DYNC1H1: variants seen among roughly 807,000 people sequenced by gnomAD.
DYNC1H1 encodes cytoplasmic dynein 1 heavy chain 1.
Under a neutral mutation model 527.1 loss-of-function variants are expected in DYNC1H1, and 51 were observed. The ratio of observed to expected loss-of-function variants is 0.10; its 90% CI spans 0.08 to 0.12. The LOEUF (loss-of-function observed/expected upper bound fraction) is 0.12. DYNC1H1 is among the 10% of genes least tolerant of loss of function. The probability of loss-of-function intolerance (pLI) is 1.00; values close to 1 mark genes in which losing one functional copy is unlikely to be tolerated. For missense variants in DYNC1H1, 2,771 were observed against 5,971.8 expected, an observed-to-expected ratio of 0.46 and a Z score of 17.66; for synonymous variants, 2,189 against 2,278.8, an observed-to-expected ratio of 0.96 and a Z score of 1.12.
chr14:102,050,652 AAAAG>A lies in DYNC1H1; in HGVS notation c.*94_*97del. ...AATATTTGGAAGGTCTGAGCTTGTGAAAAGAAAGTGGTTGGTCTGAGGTTGGAGG... is the reference window on the plus strand; with the variant it reads ...AATATTTGGAAGGTCTGAGCTTGTGAAAAGTGGTTGGTCTGAGGTTGGAGG... On this transcript the variant is annotated 3_prime_UTR_variant, in exon 78 of 78. Transcript: ENST00000360184. 6.2e-7 allele frequency: 1 copy of A among 1,604,202 alleles called. No individual in the cohort carries two copies. The highest frequency in any genetic ancestry group is 1.1e-5 in the South Asian group (1 of 90,316).
At chr14:101,993,432 G>A (rs948481237) in intron 11 of DYNC1H1, among the ~76,000 whole-genome samples, 1 of 152,130 alleles carries the variant, frequency 6.6e-6, no homozygotes, top group African/African-American at 2.4e-5. Context: ...CATCATGAAA[G>A]TCAAAGCCCC....
At chr14:102,045,456 C>G (rs2048705438) in intron 72 of DYNC1H1, among the ~76,000 whole-genome samples, 1 of 135,628 alleles carries the variant, frequency 7.4e-6, no homozygotes, top group South Asian at 2.2e-4. Flanking sequence ...ACAAAAAATA[C>G]AAAAACTAGC....
In DYNC1H1 at chr14:101,964,595, G is replaced by C. The variant is rs1033704180; in HGVS notation, c.-97G>C. On this transcript the variant is annotated 5_prime_UTR_variant, in exon 1 of 78. Coordinates refer to ENST00000360184, the MANE Select transcript of DYNC1H1 (RefSeq NM_001376.5). This position sits in a 1 kb window ranked among gnomAD's most constrained non-coding sequence, Gnocchi z 5.5. ...CTCAGTCTGCGGTGGGCTAGCGGAC[G>C]GTCCGGCTTCCGGCGGCCGTTTCTG... The C allele has an allele frequency of 6.6e-7, 1 of 1,526,224 alleles. No homozygotes were observed. Among genetic ancestry groups the C allele is most frequent in the East Asian group, 2.5e-5 (1 of 40,578 alleles). The allele number at this position is 1,526,224 out of a possible 1,614,324, so 94.5% of individuals were successfully genotyped here. A position where few individuals can be genotyped will look rare whatever the true frequency, so the allele number is the denominator to read the frequency against.
At position 102,027,619 on chromosome 14, in the gene DYNC1H1, G is replaced by A. The variant is rs879254170; in HGVS notation, c.9049G>A (p.Val3017Met). 6.2e-7 allele frequency: 1 copy of A among 1,614,038 alleles called. No homozygotes were observed. The highest frequency in any genetic ancestry group is 8.5e-7 in the Non-Finnish European group (1 of 1,180,034). ...AAGTCAGCACTGTGCTGTTTCCCAGGTGCCTGGTCTCTTTGAAGGAGACGA... is the reference window on the plus strand; with the variant it reads ...AAGTCAGCACTGTGCTGTTTCCCAGATGCCTGGTCTCTTTGAAGGAGACGA... ...RMNTLLANGE[V>M]PGLFEGDEYA... The change falls in exon 47 of 78, where the codon GTG becomes ATG. Residue 3017 changes from valine (V) to methionine (M), a missense_variant and splice_region_variant. By Grantham distance (21) the Val-to-Met change is conservative (BLOSUM62 1). Transcript: ENST00000360184. This position sits in a 1 kb window ranked among gnomAD's most constrained non-coding sequence, Gnocchi z 7.7.
Position 101,964,711 on chromosome 14 carries a change from G to A in DYNC1H1, c.20G>A (p.Gly7Asp). Residue 7 changes from glycine (G) to aspartate (D), a missense_variant, in exon 1 of 78, where the codon GGC (glycine) becomes GAC (aspartate). Transcript: ENST00000360184. The surrounding 1 kb of genome is among the most constrained non-coding windows in gnomAD (Gnocchi z 5.5). MSEPGG[G>D]GGEDGSAGLE... ...GACACCATGTCGGAGCCCGGGGGCG[G>A]CGGCGGCGAGGACGGCTCGGCCGGA... 1 of 1,596,668 alleles carries A rather than the reference G, an allele frequency of 6.3e-7. No individual in the cohort carries two copies. The highest frequency in any genetic ancestry group is 8.5e-7 in the Non-Finnish European group (1 of 1,176,212).
rs528214050 is a variant in DYNC1H1, at chr14:102,031,783, C to T, written c.9884-489C>T. Among the ~76,000 whole-genome samples, 248 of 152,164 alleles carry T rather than the reference C, an allele frequency of 1.6e-3. 1 individual carries two copies. The highest frequency in any genetic ancestry group is 5.6e-3 in the African/African-American group (234 of 41,508). ...CAGCCTGACCAACATGGAGAAACCC[C>T]GTCTCTACTAAAAATAGGAAATTAG... On this transcript the variant is annotated intron_variant, in intron 51 of 77. Coordinates refer to ENST00000360184, the MANE Select transcript of DYNC1H1 (RefSeq NM_001376.5).
rs201172648 is a variant in DYNC1H1, at chr14:102,050,569, T to G, written c.*6T>G. 1.2e-6 allele frequency: 2 copies of G among 1,614,248 alleles called. No homozygotes were observed. Among genetic ancestry groups the G allele is most frequent in the South Asian group, 2.2e-5 (2 of 91,088 alleles). Reference sequence around the variant, plus strand: ...CAGTCTTGTGCACAGAGTAAACTTTTCTAGCTGCCCCTTTCTGTAATAGTG... The same window carrying G: ...CAGTCTTGTGCACAGAGTAAACTTTGCTAGCTGCCCCTTTCTGTAATAGTG... On this transcript the variant is annotated 3_prime_UTR_variant, in exon 78 of 78. Coordinates refer to ENST00000360184, the MANE Select transcript of DYNC1H1 (RefSeq NM_001376.5).
chr14:101,970,754 ACTG>A (rs1236748745), intron 1 of DYNC1H1, among the ~76,000 whole-genome samples: 59 of 152,140 alleles, frequency 3.9e-4, no homozygotes, highest in African/African-American at 1.4e-3. Context: ...AAGTGCTGGG[ACTG>A]CAGGCGTGAG....
chr14:102,030,406 T>C (rs764013699), intron 51 of DYNC1H1, 124 bp downstream of exon 51: 78 of 1,449,368 alleles, frequency 5.4e-5, no homozygotes, highest in Non-Finnish European at 7.3e-5. Context: ...TCCAAAAATA[T>C]CATTAGTAAC....
chr14:102,034,441 A>C lies in DYNC1H1; in HGVS notation c.10743A>C (p.Lys3581Asn), dbSNP rs768668529. Residue 3581 changes from lysine to asparagine, a missense_variant, in exon 56 of 78, where the codon AAA (lysine) becomes AAC (asparagine). By Grantham distance (94) the Lys-to-Asn change is moderately conservative (BLOSUM62 0). Transcript: ENST00000360184. ...GCACAGAAAATGCCATCATGCTGAA[A>C]CGATTCAATAGGTATGAGCTCGGGT... ...DLCTENAIMLKRFNRYPLIID... is the reference protein window; with the variant it reads ...DLCTENAIMLNRFNRYPLIID... 23 of 1,612,744 alleles carry C rather than the reference A, an allele frequency of 1.4e-5. No individual in the cohort carries two copies. Among genetic ancestry groups the C allele is most frequent in the Non-Finnish European group, 1.9e-5 (23 of 1,180,030 alleles).
chr14:101,984,881 C>G (rs140107327), intron 7 of DYNC1H1, among the ~76,000 whole-genome samples: 17 of 140,984 alleles, frequency 1.2e-4, no homozygotes, highest in Non-Finnish European at 2.4e-4. Context: ...TGCAGTGAGC[C>G]GAGATCGCGC....
At chr14:102,043,764 C>G in intron 69 of DYNC1H1, 111 bp from the exon 70 acceptor site, 1 of 1,476,736 alleles carries the variant, frequency 6.8e-7, no homozygotes, top group Non-Finnish European at 9.4e-7. Context: ...CTGCTGCCAT[C>G]GTCAGGATGT....
At position 102,038,594 on chromosome 14, in the gene DYNC1H1, C is replaced by T. The variant is rs746227507; in HGVS notation, c.11043C>T (p.Thr3681=). The T allele has an allele frequency of 1.9e-6, 3 of 1,614,174 alleles. No homozygotes were observed. The highest frequency in any genetic ancestry group is 2.2e-5 in the South Asian group (2 of 91,080). The part of the protein sequence containing the change: ...LSPSFVIFLS[T]RDPTVEFPPD... ...CATCGTTTGTCATCTTCCTGTCCAC[C>T]CGGGATCCAACTGTAAGGAATGGGA... The change falls in exon 58 of 78, where the codon ACC becomes ACT. Residue 3681 remains threonine, a synonymous_variant. Coordinates refer to ENST00000360184, the MANE Select transcript of DYNC1H1 (RefSeq NM_001376.5). The surrounding 1 kb of genome is among the most constrained non-coding windows in gnomAD (Gnocchi z 7.2).
At chr14:101,972,145 A>C (rs2047746221) in intron 1 of DYNC1H1, among the ~76,000 whole-genome samples, 1 of 152,204 alleles carries the variant, frequency 6.6e-6, no homozygotes, top group Non-Finnish European at 1.5e-5. Flanking sequence ...TTATAAATAT[A>C]ACAGGGCTAA....
In DYNC1H1 at chr14:102,000,042, G is replaced by T; in HGVS notation, c.3858G>T (p.Lys1286Asn). ...AGGCTCTCACCATATATGAGGGGAA[G>T]TTTGGTAGGCTGAAGGACGACAGAG... ...ALQALTIYEG[K>N]FGRLKDDREK... is the part of the protein sequence containing the mutation. Residue 1286 changes from lysine to asparagine, a missense_variant, in exon 17 of 78, where the codon AAG becomes AAT. Physicochemically the swap from Lys to Asn is moderately conservative, Grantham distance 94. Transcript: ENST00000360184. 1 of 1,614,242 alleles carries T rather than the reference G, an allele frequency of 6.2e-7. No homozygotes were observed.
At chr14:101,966,775 A>C (rs1230270511) in intron 1 of DYNC1H1, among the ~76,000 whole-genome samples, 2 of 152,180 alleles carry the variant, frequency 1.3e-5, no homozygotes, top group Non-Finnish European at 2.9e-5. Context: ...AGTGATCACC[A>C]GTAATTCGCT....
Position 102,000,011 on chromosome 14 carries a change from C to T in DYNC1H1, c.3827C>T (p.Ala1276Val). The T allele has an allele frequency of 6.2e-7, 1 of 1,614,210 alleles. No individual in the cohort carries two copies. The highest frequency in any genetic ancestry group is 8.5e-7 in the Non-Finnish European group (1 of 1,180,040). ...PVTGNLRPEE[A>V]LQALTIYEGK... Reference sequence around the variant, plus strand: ...CAGGGCAACCTTCGCCCAGAAGAGGCACTTCAGGCTCTCACCATATATGAG... The same window carrying T: ...CAGGGCAACCTTCGCCCAGAAGAGGTACTTCAGGCTCTCACCATATATGAG... The change falls in exon 17 of 78, where the codon GCA (alanine) becomes GTA (valine). Residue 1276 changes from alanine (A) to valine (V), a missense_variant. Coordinates refer to ENST00000360184, the MANE Select transcript of DYNC1H1 (RefSeq NM_001376.5).
rs141898156 is a variant in DYNC1H1 at position 102,011,934 on chromosome 14, G to T, written c.6678G>T (p.Ser2226=). 3.8e-5 allele frequency: 61 copies of T among 1,614,040 alleles called. No individual in the cohort carries two copies. The East Asian group carries it at 1.4e-3, about 36-fold the overall frequency. ...ATGGCCTGATGATGGTGGGGCCCTCGGGAAGTGGGAAGAGCATGGCCTGGC... is the reference window on the plus strand; with the variant it reads ...ATGGCCTGATGATGGTGGGGCCCTCTGGAAGTGGGAAGAGCATGGCCTGGC... ...INHGLMMVGP[S]GSGKSMAWRV... is the part of the protein sequence containing the mutation. The change falls in exon 33 of 78, where the codon TCG becomes TCT. Residue 2226 remains serine (S), a synonymous_variant. Transcript: ENST00000360184. This position sits in a 1 kb window ranked among gnomAD's most constrained non-coding sequence, Gnocchi z 5.3.
chr14:101,968,457 C>T (rs889830483), intron 1 of DYNC1H1, among the ~76,000 whole-genome samples: 1 of 151,796 alleles, frequency 6.6e-6, no homozygotes, highest in African/African-American at 2.4e-5. Context: ...TGGTCTGGGA[C>T]TTCAGGGCTC....
Sources: gnomAD v4.1 joint callset for allele counts (sites outside exome capture counted in the v4.1 genomes callset) on GRCh38, gnomAD v4.1.1 for gene constraint, Gnocchi (gnomAD v3.1) non-coding constraint, MANE v1.5 for transcripts, NCBI Gene and HGNC (gene_info 2026-07-23, HGNC 2026-07-21) for gene names.